Variants in PCBP3 observed in about 807,000 individuals in gnomAD.
PCBP3 encodes the protein poly(rC)-binding protein 3.
Under a neutral mutation model 52.7 loss-of-function variants are expected in PCBP3, and 25 were observed. The observed-to-expected ratio is 0.47, with a 90% confidence interval of 0.35 to 0.66. PCBP3 has a LOEUF of 0.66. Ranked by LOEUF, PCBP3 falls within the 30% of genes least tolerant of loss-of-function variation. The pLI is 0.01. For missense variants in PCBP3, 391 were observed against 490.3 expected (o/e 0.80, Z 1.91); for synonymous variants, 162 against 183.0 (o/e 0.89, Z 0.93).
chr21:45,646,107 C>CTCTCTGTGTGTG (rs1555895746), intron 1 of PCBP3, among the ~76,000 whole-genome samples: 229 of 83,810 alleles, frequency 2.7e-3, no homozygotes, highest in African/African-American at 6.5e-3. Flanking sequence ...CTCTCTCTCT[C>CTCTCTGTGTGTG]TGTGTGTGTG....
chr21:45,736,790 C>G lies in PCBP3; in HGVS notation c.-162+1361C>G, dbSNP rs1435325376. Among the ~76,000 whole-genome samples, 1 of 152,190 alleles carries G rather than the reference C, an allele frequency of 6.6e-6. No individual in the cohort carries two copies. The highest frequency in any genetic ancestry group is 1.5e-5 in the Non-Finnish European group (1 of 68,030). On this transcript the variant is annotated intron_variant, in intron 3 of 17. Transcript: ENST00000681687. The surrounding 1 kb of genome is among the most constrained non-coding windows in gnomAD (Gnocchi z 4.6). Reference sequence around the variant, plus strand: ...GTGTGCCTGTGATGTCCCAGGCGCACTGCCAGAATCCTGACATCCTTGTGG... The same window carrying G: ...GTGTGCCTGTGATGTCCCAGGCGCAGTGCCAGAATCCTGACATCCTTGTGG...
rs570828441 is a variant in PCBP3 at position 45,817,705 on chromosome 21, G to C, written c.-125-32256G>C. 1.2e-3 allele frequency among the ~76,000 whole-genome samples: 186 copies of C among 152,220 alleles called. 1 individual carries two copies. Among genetic ancestry groups the C allele is most frequent in the Non-Finnish European group, 1.4e-3 (97 of 68,042 alleles). The stretch of plus-strand genomic sequence containing the variant: ...TCCTGCACCCTGCTGTGCAATGCTC[G>C]AACACACTTGCTTCTTATTTCTGTC... On this transcript the variant is annotated intron_variant, in intron 4 of 17. Coordinates refer to ENST00000681687, the MANE Select transcript of PCBP3 (RefSeq NM_001384156.1). The surrounding 1 kb of genome is among the most constrained non-coding windows in gnomAD (Gnocchi z 4.3).
intron 16 of PCBP3, among the ~76,000 whole-genome samples, chr21:45,935,706 G>T (rs77791758): frequency 0.011 from 1,690 of 152,338 alleles, 37 homozygotes; most frequent in African/African-American, 0.038. Flanking sequence ...GGCCCCTCAG[G>T]AGGTTTGGGA....
At chr21:45,769,507 C>T (rs2089672324) in intron 4 of PCBP3, among the ~76,000 whole-genome samples, 1 of 152,266 alleles carries the variant, frequency 6.6e-6, no homozygotes, top group African/African-American at 2.4e-5. Flanking sequence ...ATGGGCGGCC[C>T]CTACTGTGCT....
intron 4 of PCBP3, among the ~76,000 whole-genome samples, chr21:45,767,836 C>T (rs1345429539): frequency 1.3e-5 from 2 of 152,246 alleles, no homozygotes; most frequent in Non-Finnish European, 2.9e-5. Context: ...AGGGCACTGA[C>T]AGGCTCTCAG....
At chr21:45,780,961 G>T (rs369712952) in intron 4 of PCBP3, among the ~76,000 whole-genome samples, 9 of 152,218 alleles carry the variant, frequency 5.9e-5, no homozygotes, top group Admixed American at 5.2e-4. Context: ...GTACATCTGG[G>T]CAGTCATTTG....
rs892375183 is a variant in PCBP3 at position 45,880,913 on chromosome 21, G to T, written c.11-15295G>T. 3.3e-5 allele frequency among the ~76,000 whole-genome samples: 5 copies of T among 152,224 alleles called. No homozygotes were observed. The highest frequency in any genetic ancestry group is 1.2e-4 in the African/African-American group (5 of 41,450). On this transcript the variant is annotated intron_variant, in intron 5 of 17. Transcript: ENST00000681687. The surrounding 1 kb of genome is among the most constrained non-coding windows in gnomAD (Gnocchi z 5.4). ...AGGGCCGGGGTTAAACAGCACAGCA[G>T]TGGGAAGGTACCCAGGGGCTTCAGC...
At chr21:45,862,982 C>T (rs1277512169) in intron 5 of PCBP3, among the ~76,000 whole-genome samples, 1 of 152,158 alleles carries the variant, frequency 6.6e-6, no homozygotes, top group Non-Finnish European at 1.5e-5. Flanking sequence ...CTCTTGGCCC[C>T]GAGTGTCTGG....
intron 4 of PCBP3, among the ~76,000 whole-genome samples, chr21:45,823,595 T>G (rs554385646): frequency 6.6e-6 from 1 of 152,256 alleles, no homozygotes; most frequent in South Asian, 2.1e-4. Flanking sequence ...GCTCTGTGAT[T>G]CACTGACTCA....
rs2091340754 is a variant in PCBP3, at chr21:45,788,905, G to A, written c.-126+33453G>A. Among the ~76,000 whole-genome samples the A allele has an allele frequency of 6.6e-6, 1 of 152,192 alleles. No homozygotes were observed. Among genetic ancestry groups the A allele is most frequent in the Non-Finnish European group, 1.5e-5 (1 of 68,042 alleles). On this transcript the variant is annotated intron_variant, in intron 4 of 17. Coordinates refer to ENST00000681687, the MANE Select transcript of PCBP3 (RefSeq NM_001384156.1). This position sits in a 1 kb window ranked among gnomAD's most constrained non-coding sequence, Gnocchi z 4.3. ...ACAGTGGAGCTAATGACACATTTCA[G>A]AATTAGAAATGGTTTTAGCAATAAT...
At chr21:45,906,889 G>A (rs1270711989) in intron 9 of PCBP3, among the ~76,000 whole-genome samples, 7 of 152,326 alleles carry the variant, frequency 4.6e-5, no homozygotes, top group Non-Finnish European at 8.8e-5. Context: ...AAAACACGGC[G>A]GGTGATTTGA....
At chr21:45,792,314 C>T (rs373098458) in intron 4 of PCBP3, among the ~76,000 whole-genome samples, 5 of 152,250 alleles carry the variant, frequency 3.3e-5, no homozygotes, top group Non-Finnish European at 7.3e-5. Context: ...CCAGGAGGGG[C>T]GGGCTCAGTG....
At chr21:45,860,936 C>G (rs139791172) in intron 5 of PCBP3, among the ~76,000 whole-genome samples, 1 of 152,220 alleles carries the variant, frequency 6.6e-6, no homozygotes, top group Non-Finnish European at 1.5e-5. Flanking sequence ...TCCGAGGCTG[C>G]TGGCAGTGAC....
At chr21:45,860,152 G>A (rs1308317687) in intron 5 of PCBP3, among the ~76,000 whole-genome samples, 1 of 133,190 alleles carries the variant, frequency 7.5e-6, no homozygotes, top group East Asian at 2.5e-4. Context: ...CCAGAGCCAG[G>A]CCCAGGTGCC....
At chr21:45,876,948 G>A (rs1429829236) in intron 5 of PCBP3, among the ~76,000 whole-genome samples, 2 of 152,248 alleles carry the variant, frequency 1.3e-5, no homozygotes, top group African/African-American at 4.8e-5. Context: ...GCCTTCTCGG[G>A]GCAAGCAGTG....
At chr21:45,891,651 G>GGT (rs1603470221) in intron 5 of PCBP3, among the ~76,000 whole-genome samples, 1 of 152,142 alleles carries the variant, frequency 6.6e-6, no homozygotes, top group African/African-American at 2.4e-5. Context: ...ACACCCCAGG[G>GGT]GTATACACGG....
chr21:45,680,137 A>G (rs574718528), intron 2 of PCBP3, among the ~76,000 whole-genome samples: 17 of 152,320 alleles, frequency 1.1e-4, no homozygotes, highest in African/African-American at 3.8e-4. Context: ...CTGTGGCTGT[A>G]AGTCTTGAAA....
chr21:45,796,095 C>T (rs911386634), intron 4 of PCBP3, among the ~76,000 whole-genome samples: 3 of 152,220 alleles, frequency 2.0e-5, no homozygotes, highest in African/African-American at 7.2e-5. Flanking sequence ...ACCTGACGAT[C>T]CCCTCTGCAG....
chr21:45,849,840 C>T (rs1467403672), intron 4 of PCBP3, 121 bp from the exon 5 acceptor site: 2 of 537,990 alleles, frequency 3.7e-6, no homozygotes, highest in Admixed American at 3.3e-5. Context: ...GCCTTGTACT[C>T]GAATGCTGAA....
Sources: gnomAD v4.1 joint callset for allele counts (sites outside exome capture counted in the v4.1 genomes callset) on GRCh38, gnomAD v4.1.1 for gene constraint, Gnocchi (gnomAD v3.1) non-coding constraint, MANE v1.5 for transcripts, NCBI Gene and HGNC (gene_info 2026-07-23, HGNC 2026-07-21) for gene names.